Variants in CDK14 observed in about 807,000 individuals in gnomAD.
CDK14 encodes the protein cyclin dependent kinase 14, also known as cyclin-dependent kinase 14.
A neutral mutation model predicts 60.7 loss-of-function variants in CDK14; 34 were observed. That is an observed-to-expected ratio of 0.56 (90% CI 0.43 to 0.75). The LOEUF (loss-of-function observed/expected upper bound fraction) is 0.75. CDK14 is among the 30% of genes least tolerant of loss of function. The pLI is 0.00. For synonymous variants in CDK14, 197 were observed against 203.7 expected (o/e 0.97, Z 0.28); for missense variants, 482 against 564.1 (o/e 0.85, Z 1.47).
At chr7:91,179,031 A>G (rs1801889902) in intron 14 of CDK14, among the ~76,000 whole-genome samples, 1 of 152,206 alleles carries the variant, frequency 6.6e-6, no homozygotes, top group East Asian at 1.9e-4. Flanking sequence ...GGCATTATTC[A>G]CAATAGCAAA....
chr7:90,651,398 A>T (rs185233425), intron 2 of CDK14, among the ~76,000 whole-genome samples: 24 of 152,052 alleles, frequency 1.6e-4, no homozygotes, highest in Non-Finnish European at 2.6e-4. Context: ...GAGCACCCAG[A>T]TGCTGGTAAC....
At position 90,700,452 on chromosome 7, in the gene CDK14, T is replaced by C. The variant is rs769740328; in HGVS notation, c.124-26115T>C. Among the ~76,000 whole-genome samples the C allele has an allele frequency of 1.4e-3, 218 of 152,262 alleles. 1 individual carries two copies. Among genetic ancestry groups the C allele is most frequent in the Non-Finnish European group, 2.7e-3 (187 of 68,012 alleles). On this transcript the variant is annotated intron_variant, in intron 2 of 14. Transcript: ENST00000380050. ...GTACTTGGAGTACTTGGCAGAGTACTTGGAGACCCTGGAGTCCATCCAGAT... is the reference window on the plus strand; with the variant it reads ...GTACTTGGAGTACTTGGCAGAGTACCTGGAGACCCTGGAGTCCATCCAGAT...
intron 12 of CDK14, among the ~76,000 whole-genome samples, chr7:91,087,863 A>G (rs1254801660): frequency 6.6e-6 from 1 of 152,082 alleles, no homozygotes; most frequent in Admixed American, 6.5e-5. Context: ...CCCTTCCTCA[A>G]CAGTTTCTTC....
intron 3 of CDK14, among the ~76,000 whole-genome samples, chr7:90,730,704 T>C (rs1398464555): frequency 6.6e-6 from 1 of 152,128 alleles, no homozygotes. Context: ...TGTTGTTTTC[T>C]TTTTTCTCTT....
intron 10 of CDK14, among the ~76,000 whole-genome samples, chr7:91,045,546 CAA>C (rs2116023332): frequency 6.6e-6 from 1 of 152,178 alleles, no homozygotes; most frequent in Admixed American, 6.5e-5. Flanking sequence ...GAGTGAAAGA[CAA>C]AAGCTCATGA....
chr7:90,633,901 C>T (rs563260215), intron 2 of CDK14, among the ~76,000 whole-genome samples: 12 of 152,206 alleles, frequency 7.9e-5, no homozygotes, highest in South Asian at 2.1e-4. Context: ...TTGTTGGAGA[C>T]TTTAGTCGGC....
rs1441195365 is a variant in CDK14 at position 90,984,230 on chromosome 7, C to T, written c.1030C>T (p.Arg344Ter). The T allele has an allele frequency of 7.5e-6, 12 of 1,606,996 alleles. No individual in the cohort carries two copies. The highest frequency in any genetic ancestry group is 1.3e-5 in the African/African-American group (1 of 74,746). The change falls in exon 10 of 15, where the codon CGA becomes TGA. Residue 344 changes from arginine (R) to a stop codon, truncating the protein, a stop_gained. Transcript: ENST00000380050. LOFTEE classifies it high-confidence loss of function. ...GMKDIQDQLE[R>*]IFLVLGTPNE... ...GAAAGACATTCAGGATCAACTTGAA[C>T]GAATATTTCTGGTAAGTCCTTTACA...
chr7:91,015,008 C>T (rs77758139), intron 10 of CDK14, among the ~76,000 whole-genome samples: 161 of 152,258 alleles, frequency 1.1e-3, no homozygotes, highest in East Asian at 5.8e-3. Flanking sequence ...TATTAGCATA[C>T]TTAGTATTTT....
At chr7:90,743,980 T>C (rs911265471) in intron 3 of CDK14, among the ~76,000 whole-genome samples, 17 of 152,180 alleles carry the variant, frequency 1.1e-4, no homozygotes, top group Admixed American at 6.5e-5. Context: ...ATTGTAATCA[T>C]TGATATGTTT....
chr7:91,145,115 A>G (rs1800586386), intron 14 of CDK14, among the ~76,000 whole-genome samples: 1 of 152,214 alleles, frequency 6.6e-6, no homozygotes. Flanking sequence ...ATTGGTAGTC[A>G]GGATTCCTAA....
rs1400461632 is a variant in CDK14 at position 91,208,451 on chromosome 7, CAGT to C, written c.*1320_*1322del. ...GGGGCAGGCCTCGCTGCAGAATGCC[CAGT>C]AGTACTGCGGCCAAGGGGACAGTTA... is the stretch of plus-strand genomic sequence containing the variant. On this transcript the variant is annotated 3_prime_UTR_variant, in exon 15 of 15. Transcript: ENST00000380050. The C allele has an allele frequency of 1.3e-5, 2 of 152,426 alleles. No homozygotes were observed. The highest frequency in any genetic ancestry group is 2.9e-5 in the Non-Finnish European group (2 of 68,066). The allele number at this position is 152,426 out of a possible 1,614,324, so 9.4% of individuals were successfully genotyped here.
At chr7:91,108,922 G>A (rs547656612) in intron 12 of CDK14, among the ~76,000 whole-genome samples, 41 of 152,230 alleles carry the variant, frequency 2.7e-4, no homozygotes, top group Admixed American at 9.2e-4. Context: ...AGGAGGAGTG[G>A]GAGAGCTATA....
chr7:91,190,771 T>G (rs1199638306), intron 14 of CDK14, among the ~76,000 whole-genome samples: 2 of 149,674 alleles, frequency 1.3e-5, no homozygotes, highest in Non-Finnish European at 2.9e-5. Context: ...AATACAGGCG[T>G]GAGCCACCCC....
At chr7:91,195,332 C>T (rs1474855302) in intron 14 of CDK14, among the ~76,000 whole-genome samples, 3 of 152,024 alleles carry the variant, frequency 2.0e-5, no homozygotes, top group African/African-American at 4.8e-5. Context: ...CGAACATGTT[C>T]GAGTTATAAA....
chr7:90,762,738 C>G (rs1310733439), intron 4 of CDK14, among the ~76,000 whole-genome samples: 1 of 152,116 alleles, frequency 6.6e-6, no homozygotes, highest in Non-Finnish European at 1.5e-5. Context: ...ATAATCCTAG[C>G]ACTTTGGGAG....
At position 90,614,538 on chromosome 7, in the gene CDK14, C is replaced by T. The variant is rs920214242; in HGVS notation, c.123+10289C>T. Among the ~76,000 whole-genome samples, 7 of 152,142 alleles carry T rather than the reference C, an allele frequency of 4.6e-5. No individual in the cohort carries two copies. In the East Asian group the frequency reaches 1.3e-3, roughly 29 times the overall value. On this transcript the variant is annotated intron_variant, in intron 2 of 14. Transcript: ENST00000380050. ...TGTAAAGTTCTGGTTATTTTTCCAA[C>T]TTACTATTTATTTTTTAAGTTTTCC...
At chr7:90,740,636 G>A (rs1803308058) in intron 3 of CDK14, among the ~76,000 whole-genome samples, 1 of 152,132 alleles carries the variant, frequency 6.6e-6, no homozygotes. Flanking sequence ...TTCCAAAACT[G>A]TGAACAAATA....
chr7:90,663,833 T>C (rs1447992284), intron 2 of CDK14, among the ~76,000 whole-genome samples: 1 of 152,244 alleles, frequency 6.6e-6, no homozygotes, highest in Non-Finnish European at 1.5e-5. Context: ...AGTAATATTT[T>C]CTAATACATT....
intron 12 of CDK14, among the ~76,000 whole-genome samples, chr7:91,081,003 G>A (rs1798469635): frequency 6.6e-6 from 1 of 152,142 alleles, no homozygotes; most frequent in South Asian, 2.1e-4. Flanking sequence ...TTATGAACAT[G>A]ACTTGTTTAG....
Sources: gnomAD v4.1 joint callset for allele counts (sites outside exome capture counted in the v4.1 genomes callset) on GRCh38, gnomAD v4.1.1 for gene constraint, MANE v1.5 for transcripts, NCBI Gene and HGNC (gene_info 2026-07-23, HGNC 2026-07-21) for gene names.